DLGAP2: variants seen among roughly 807,000 people sequenced by gnomAD.
DLGAP2 encodes DLG associated protein 2.
In DLGAP2, 26 loss-of-function variants were observed where a neutral mutation model predicts 100.3. The ratio of observed to expected loss-of-function variants is 0.26; its 90% confidence interval spans 0.19 to 0.36. DLGAP2 has a LOEUF of 0.36. Ranked by LOEUF, DLGAP2 falls within the 10% of genes least tolerant of loss-of-function variation. The probability of loss-of-function intolerance (pLI) is 1.00; values close to 1 mark genes in which losing one functional copy is unlikely to be tolerated. For synonymous variants in DLGAP2, 886 were observed against 630.1 expected, an observed-to-expected ratio of 1.41 and a Z score of -6.08; for missense variants, 1,858 against 1,453.2, an observed-to-expected ratio of 1.28 and a Z score of -4.53.
At chr8:1,223,772 C>A (rs1362729934) in intron 2 of DLGAP2, among the ~76,000 whole-genome samples, 1 of 152,124 alleles carries the variant, frequency 6.6e-6, no homozygotes, top group African/African-American at 2.4e-5. Flanking sequence ...GATAATCAAC[C>A]TGTCGGAATC....
intron 1 of DLGAP2, among the ~76,000 whole-genome samples, chr8:906,183 A>T (rs1364547222): frequency 6.6e-6 from 1 of 152,154 alleles, no homozygotes; most frequent in Non-Finnish European, 1.5e-5. Context: ...GAGGGAAGAG[A>T]TCCCTTAGGT....
At chr8:1,481,471 CTT>C (rs1165790168) in intron 3 of DLGAP2, among the ~76,000 whole-genome samples, 2 of 43,666 alleles carry the variant, frequency 4.6e-5, no homozygotes, top group Admixed American at 3.8e-4. Context: ...TTTTCTTTTT[CTT>C]TTTTTTTTTT....
At chr8:1,182,827 C>T (rs74932984) in intron 2 of DLGAP2, among the ~76,000 whole-genome samples, 1 of 152,112 alleles carries the variant, frequency 6.6e-6, no homozygotes, top group African/African-American at 2.4e-5. Context: ...TGGGCAGTGG[C>T]GCGTGGGGGA....
At chr8:1,212,753 C>A (rs1585157327) in intron 2 of DLGAP2, among the ~76,000 whole-genome samples, 1 of 149,440 alleles carries the variant, frequency 6.7e-6, no homozygotes. Flanking sequence ...ACCTCTCTCT[C>A]TCTCTCTTCC....
At chr8:1,084,684 A>G (rs1439339537) in intron 2 of DLGAP2, among the ~76,000 whole-genome samples, 9 of 152,184 alleles carry the variant, frequency 5.9e-5, no homozygotes, top group Non-Finnish European at 1.2e-4. Context: ...CATTCCATGC[A>G]TGTTTTCAGA....
At chr8:842,363 A>G (rs554725688) in intron 1 of DLGAP2, among the ~76,000 whole-genome samples, 2 of 152,356 alleles carry the variant, frequency 1.3e-5, no homozygotes, top group South Asian at 2.1e-4. Flanking sequence ...CTTTCCTGGC[A>G]TATCTTAAAG....
At chr8:934,592 A>C (rs562660840) in intron 2 of DLGAP2, among the ~76,000 whole-genome samples, 1 of 152,250 alleles carries the variant, frequency 6.6e-6, no homozygotes, top group African/African-American at 2.4e-5. Context: ...CACTTCTGCG[A>C]GGAGGCGTGT....
intron 4 of DLGAP2, among the ~76,000 whole-genome samples, chr8:1,547,057 A>G (rs1027320379): frequency 1.3e-5 from 2 of 152,020 alleles, no homozygotes; most frequent in Admixed American, 1.3e-4. Context: ...GAATGCAGGG[A>G]TGCATTCCAG....
intron 3 of DLGAP2, among the ~76,000 whole-genome samples, chr8:1,290,490 A>G (rs1029224467): frequency 1.1e-4 from 17 of 152,220 alleles, no homozygotes; most frequent in African/African-American, 3.6e-4. Context: ...ATAAAATCAT[A>G]TAAGGCTCTA....
At position 1,632,998 on chromosome 8, in the gene DLGAP2, C is replaced by T. The variant is rs758756139; in HGVS notation, c.1762C>T (p.Pro588Ser). 6.2e-7 allele frequency: 1 copy of T among 1,613,962 alleles called. No individual in the cohort carries two copies. The highest frequency in any genetic ancestry group is 1.1e-5 in the South Asian group (1 of 91,084). Residue 588 changes from proline to serine, a missense_variant, in exon 8 of 15, where the codon CCC becomes TCC. Pro to Ser is a moderately conservative substitution (Grantham distance 74). Transcript: ENST00000637795. Reference protein sequence around the residue: ...AGYSQDDECIPMMTPSDITST... With the variant: ...AGYSQDDECISMMTPSDITST... Reference sequence around the variant, plus strand: ...CTACTCCCAAGATGACGAATGTATTCCCATGATGACACCCTCTGACATCAC... The same window carrying T: ...CTACTCCCAAGATGACGAATGTATTTCCATGATGACACCCTCTGACATCAC...
intron 12 of DLGAP2, among the ~76,000 whole-genome samples, chr8:1,680,250 G>A (rs1260806078): frequency 6.6e-6 from 1 of 152,130 alleles, no homozygotes; most frequent in African/African-American, 2.4e-5. Flanking sequence ...AACTTCAAAA[G>A]GATAGCTGAG....
chr8:1,259,613 G>T (rs544485342), intron 3 of DLGAP2: 1 of 152,326 alleles, frequency 6.6e-6, no homozygotes, highest in East Asian at 1.9e-4. Flanking sequence ...TCGGGACACA[G>T]CCAACCCCAG....
At chr8:1,162,549 A>C (rs1796912583) in intron 2 of DLGAP2, among the ~76,000 whole-genome samples, 1 of 152,266 alleles carries the variant, frequency 6.6e-6, no homozygotes, top group African/African-American at 2.4e-5. Context: ...AATATAAACT[A>C]TCCAGTAGTC....
intron 3 of DLGAP2, among the ~76,000 whole-genome samples, chr8:1,340,564 A>C (rs982853936): frequency 2.6e-5 from 4 of 152,236 alleles, no homozygotes; most frequent in Admixed American, 6.5e-5. Flanking sequence ...CGGTTATTAA[A>C]AAGTGAAAAC....
At chr8:1,445,488 G>A (rs6651437) in intron 3 of DLGAP2, among the ~76,000 whole-genome samples, 19 of 151,588 alleles carry the variant, frequency 1.3e-4, no homozygotes, top group African/African-American at 2.9e-4. Flanking sequence ...CCAGTCTATC[G>A]TTGTTGGACA....
At chr8:1,215,932 G>A (rs910660762) in intron 2 of DLGAP2, among the ~76,000 whole-genome samples, 15 of 141,078 alleles carry the variant, frequency 1.1e-4, no homozygotes, top group African/African-American at 4.1e-4. Context: ...CCAGGTACCT[G>A]GATGGGTTCA....
chr8:1,307,903 G>C (rs1288758086), intron 3 of DLGAP2, among the ~76,000 whole-genome samples: 3 of 152,044 alleles, frequency 2.0e-5, no homozygotes, highest in African/African-American at 7.3e-5. Context: ...AATGGGTACA[G>C]AGTTTCACAT....
intron 3 of DLGAP2, among the ~76,000 whole-genome samples, chr8:1,306,338 A>G (rs967542684): frequency 3.3e-5 from 5 of 152,124 alleles, no homozygotes; most frequent in Non-Finnish European, 4.4e-5. Flanking sequence ...TGCATTTATA[A>G]TCGTGTCAAA....
rs561368411 is a variant in DLGAP2 at position 1,139,602 on chromosome 8, A to G, written c.74-119249A>G. ...CTGTGTGAATCTTGAGGGTACAAAC[A>G]TTCAGTCCGTGGCAAGTAGGAAGCC... On this transcript the variant is annotated intron_variant, in intron 2 of 14. Transcript: ENST00000637795. 2.6e-5 allele frequency among the ~76,000 whole-genome samples: 4 copies of G among 152,276 alleles called. 1 individual carries two copies. The South Asian group carries it at 6.2e-4, about 24-fold the overall frequency.
Sources: allele counts gnomAD v4.1 joint callset (sites outside exome capture counted in the v4.1 genomes callset), GRCh38; gene constraint gnomAD v4.1.1; transcripts MANE v1.5; gene names NCBI Gene and HGNC (gene_info 2026-07-23, HGNC 2026-07-21).